TRIM25: variants seen among roughly 807,000 people sequenced by gnomAD.
The protein encoded by TRIM25 is E3 ubiquitin/ISG15 ligase TRIM25.
A neutral mutation model predicts 65.2 loss-of-function variants in TRIM25; 45 were observed. The ratio of observed to expected loss-of-function variants is 0.69; its 90% CI spans 0.54 to 0.89. TRIM25 has a LOEUF of 0.89. Among genes scored for constraint, TRIM25 ranks in the 40% least tolerant of loss-of-function variants. The pLI is 0.00. For synonymous variants in TRIM25, 321 were observed against 340.4 expected (o/e 0.94, Z 0.63); for missense variants, 714 against 803.7 (o/e 0.89, Z 1.35).
At chr17:56,905,441 A>G (rs1909501705) in intron 2 of TRIM25, among the ~76,000 whole-genome samples, 1 of 152,212 alleles carries the variant, frequency 6.6e-6, no homozygotes, top group Non-Finnish European at 1.5e-5. Flanking sequence ...ATCATGCTCT[A>G]GGATTGTACT....
intron 3 of TRIM25, among the ~76,000 whole-genome samples, chr17:56,902,215 G>C (rs1909426778): frequency 6.6e-6 from 1 of 152,170 alleles, no homozygotes; most frequent in African/African-American, 2.4e-5. Context: ...AGGCCTCAGT[G>C]CACAGAGACA....
At chr17:56,910,771 C>T (rs1247884296) in intron 1 of TRIM25, among the ~76,000 whole-genome samples, 1 of 152,182 alleles carries the variant, frequency 6.6e-6, no homozygotes, top group Non-Finnish European at 1.5e-5. Flanking sequence ...ACATGGGAGG[C>T]ACCAGAGTCT....
chr17:56,908,582 A>C lies in TRIM25; in HGVS notation c.598-19T>G, dbSNP rs1337489585. The C allele has an allele frequency of 6.2e-7, 1 of 1,611,484 alleles. No individual in the cohort carries two copies. On this transcript the variant is annotated intron_variant, in intron 1 of 8. Transcript: ENST00000316881. Reference sequence around the variant, plus strand: ...GGGTGGCCTGCAGGGAAAACAAATGAGGTTGAGAATGCACCTCTTCAGCCC... The same window carrying C: ...GGGTGGCCTGCAGGGAAAACAAATGCGGTTGAGAATGCACCTCTTCAGCCC...
Position 56,913,307 on chromosome 17 carries a change from G to A in TRIM25, c.597+85C>T. The stretch of plus-strand genomic sequence containing the variant: ...CAGGCCCATCTCCCCAGGGCGTCCA[G>A]AGTGTGGCAGAGAGGCCCCCGGTGG... On this transcript the variant is annotated intron_variant, in intron 1 of 8. Coordinates refer to ENST00000316881, the MANE Select transcript of TRIM25 (RefSeq NM_005082.5). The surrounding 1 kb of genome is among the most constrained non-coding windows in gnomAD (Gnocchi z 6.1). The A allele has an allele frequency of 7.6e-7, 1 of 1,311,828 alleles. No homozygotes were observed. Among genetic ancestry groups the A allele is most frequent in the Non-Finnish European group, 1.0e-6 (1 of 969,110 alleles). The allele number at this position is 1,311,828 out of a possible 1,614,324, so 81.3% of individuals were successfully genotyped here.
intron 1 of TRIM25, among the ~76,000 whole-genome samples, chr17:56,911,600 T>G (rs1395555250): frequency 1.3e-5 from 2 of 149,526 alleles, no homozygotes; most frequent in Non-Finnish European, 3.0e-5. Context: ...AAAATTCTGA[T>G]TTTATAGCCA....
At chr17:56,898,708 C>CA (rs58323661) in intron 5 of TRIM25, among the ~76,000 whole-genome samples, 6,496 of 129,558 alleles carry the variant, frequency 0.05, 438 homozygotes, top group African/African-American at 0.17. Context: ...AGTGAGAAAC[C>CA]AAAAAAAAAA....
chr17:56,908,710 G>C (rs754953032), intron 1 of TRIM25, 147 bp from the exon 2 acceptor site: 1 of 721,526 alleles, frequency 1.4e-6, no homozygotes, highest in Admixed American at 2.3e-5. Flanking sequence ...CCCGAGTCTT[G>C]CCTGCTTGGA....
At chr17:56,904,011 A>G (rs1471458514) in intron 3 of TRIM25, among the ~76,000 whole-genome samples, 1 of 152,150 alleles carries the variant, frequency 6.6e-6, no homozygotes, top group Non-Finnish European at 1.5e-5. Context: ...TATGCAGGCC[A>G]CCCATAAAGC....
rs148706489 is a variant in TRIM25 at position 56,897,139 on chromosome 17, G to A, written c.1154-1187C>T. Among the ~76,000 whole-genome samples the A allele has an allele frequency of 3.3e-4, 50 of 151,972 alleles. 1 individual carries two copies. The East Asian group carries it at 8.7e-3, about 26-fold the overall frequency. On this transcript the variant is annotated intron_variant, in intron 5 of 8. Transcript: ENST00000316881. ...TAAAAAATAGTAAATGCAAATTCTT[G>A]GGCCCCAAGCCAGAGCCACTGAATC...
At chr17:56,903,371 C>G (rs1909451992) in intron 3 of TRIM25, among the ~76,000 whole-genome samples, 1 of 152,184 alleles carries the variant, frequency 6.6e-6, no homozygotes, top group African/African-American at 2.4e-5. Flanking sequence ...ACACTCCAGC[C>G]TGAGCAACAA....
intron 2 of TRIM25, among the ~76,000 whole-genome samples, chr17:56,905,656 A>G (rs1909505430): frequency 6.6e-6 from 1 of 152,210 alleles, no homozygotes; most frequent in Non-Finnish European, 1.5e-5. Flanking sequence ...TAAATAAACT[A>G]TAATATTAAA....
In TRIM25 at chr17:56,913,649, CCTCCT is replaced by C. The variant is rs747791952; in HGVS notation, c.335_339del (p.Lys112SerfsTer71). 1 of 1,598,512 alleles carries C rather than the reference CCTCCT, an allele frequency of 6.3e-7. No homozygotes were observed. The highest frequency in any genetic ancestry group is 8.5e-7 in the Non-Finnish European group (1 of 1,170,936). ...CACACCAAGCACGTCTTCACGGCGG[CCTCCT>C]TCAGGCAGTGGTCGCAGGCCACCTG... On this transcript the variant is annotated frameshift_variant, in exon 1 of 9. Transcript: ENST00000316881. LOFTEE classifies it high-confidence loss of function. This position sits in a 1 kb window ranked among gnomAD's most constrained non-coding sequence, Gnocchi z 6.1.
At chr17:56,908,148 C>T (rs184358975) in intron 2 of TRIM25, among the ~76,000 whole-genome samples, 1 of 152,320 alleles carries the variant, frequency 6.6e-6, no homozygotes, top group East Asian at 1.9e-4. Context: ...TAAATAGATG[C>T]AACCCTATGA....
intron 5 of TRIM25, 99 bp downstream of exon 5, chr17:56,899,016 G>T: frequency 1.4e-6 from 2 of 1,396,890 alleles, no homozygotes; most frequent in Non-Finnish European, 2.0e-6. Context: ...TGAGGTCCAG[G>T]CCCCACAGTG....
At chr17:56,898,026 C>G (rs1203040406) in intron 5 of TRIM25, among the ~76,000 whole-genome samples, 4 of 152,172 alleles carry the variant, frequency 2.6e-5, no homozygotes, top group African/African-American at 7.2e-5. Context: ...GCTCTCTCAT[C>G]CCCCCAACAC....
intron 5 of TRIM25, among the ~76,000 whole-genome samples, chr17:56,898,172 T>C (rs1237819230): frequency 6.6e-6 from 1 of 152,172 alleles, no homozygotes; most frequent in Non-Finnish European, 1.5e-5. Flanking sequence ...CAGCGGTATA[T>C]GGACATCTCA....
rs546386293 is a variant in TRIM25, at chr17:56,890,472, C to T, written c.*1228G>A. 3.3e-5 allele frequency: 13 copies of T among 397,002 alleles called. No individual in the cohort carries two copies. Among genetic ancestry groups the T allele is most frequent in the East Asian group, 2.9e-4 (4 of 13,914 alleles). 24.6% of individuals were successfully genotyped at this position (397,002 alleles called of 1,614,324 possible). The stretch of plus-strand genomic sequence containing the variant: ...AGGGCCAGCCCCAGGCTCTGACTCA[C>T]GCAAGGGCCAGTGCTGGGTCTGCAG... On this transcript the variant is annotated 3_prime_UTR_variant, in exon 9 of 9. Transcript: ENST00000316881.
At chr17:56,898,849 C>A in intron 5 of TRIM25, 1 of 424,466 alleles carries the variant, frequency 2.4e-6, no homozygotes, top group Admixed American at 3.9e-5. Flanking sequence ...AGGCTCTGCC[C>A]AAGGACTTGG....
In TRIM25 at chr17:56,913,127, C is replaced by G. The variant is rs542681163; in HGVS notation, c.597+265G>C. 3.1e-6 allele frequency: 1 copy of G among 324,164 alleles called. No homozygotes were observed. Among genetic ancestry groups the G allele is most frequent in the Non-Finnish European group, 5.6e-6 (1 of 178,852 alleles). 20.1% of individuals were successfully genotyped at this position (324,164 alleles called of 1,614,324 possible). On this transcript the variant is annotated intron_variant, in intron 1 of 8. Transcript: ENST00000316881. The surrounding 1 kb of genome is among the most constrained non-coding windows in gnomAD (Gnocchi z 6.1). ...TGCACTCCAGCTTGGGTGAGAGGGA[C>G]GAGACCCTGTCTCAAAAAAATAAAA...
Sources: gnomAD v4.1 joint callset for allele counts (sites outside exome capture counted in the v4.1 genomes callset) on GRCh38, gnomAD v4.1.1 for gene constraint, Gnocchi (gnomAD v3.1) non-coding constraint, MANE v1.5 for transcripts, NCBI Gene and HGNC (gene_info 2026-07-23, HGNC 2026-07-21) for gene names.